Variants in TENM2 observed in about 807,000 individuals in gnomAD.
TENM2 encodes the protein teneurin-2.
Under a neutral mutation model 245.2 loss-of-function variants are expected in TENM2, and 52 were observed. That is an observed-to-expected ratio of 0.21 (90% CI 0.17 to 0.27). The LOEUF is 0.27. Among genes scored for constraint, TENM2 ranks in the 10% least tolerant of loss-of-function variants. The probability of loss-of-function intolerance (pLI) is 1.00; values close to 1 mark genes in which losing one functional copy is unlikely to be tolerated. For synonymous variants in TENM2, 1,363 were observed against 1,438.9 expected, an observed-to-expected ratio of 0.95 and a Z score of 1.19; for missense variants, 3,046 against 3,666.8, an observed-to-expected ratio of 0.83 and a Z score of 4.37.
intron 1 of TENM2, among the ~76,000 whole-genome samples, chr5:167,302,623 G>A (rs140654594): frequency 4.1e-4 from 63 of 151,936 alleles, no homozygotes; most frequent in Non-Finnish European, 7.2e-4. Flanking sequence ...GGATCAGGGT[G>A]CAGAGATAAG....
chr5:167,551,826 C>T (rs1314899323), intron 2 of TENM2, among the ~76,000 whole-genome samples: 4 of 152,130 alleles, frequency 2.6e-5, no homozygotes, highest in Non-Finnish European at 5.9e-5. Context: ...TCCCAGATTG[C>T]TCCTTATTGG....
At chr5:167,216,447 C>T in the TENM2 span, among the ~76,000 whole-genome samples, 1 of 152,160 alleles carries the variant, frequency 6.6e-6, no homozygotes, top group Non-Finnish European at 1.5e-5. Flanking sequence ...TTAGTCTCCT[C>T]TTCTGCAGTG....
rs998345280 is a variant in TENM2, at chr5:167,471,260, A to G, written c.502+95787A>G. 1.1e-4 allele frequency among the ~76,000 whole-genome samples: 17 copies of G among 152,296 alleles called. 1 individual carries two copies. Among genetic ancestry groups the G allele is most frequent in the Admixed American group, 7.8e-4 (12 of 15,298 alleles). On this transcript the variant is annotated intron_variant, in intron 2 of 28. Coordinates refer to ENST00000518659, the Ensembl canonical transcript of TENM2. ...GGAGACTAAGGTCCTTATGAGTTAGATCTACAAGTACAATCATTTTGTTTC... is the reference window on the plus strand; with the variant it reads ...GGAGACTAAGGTCCTTATGAGTTAGGTCTACAAGTACAATCATTTTGTTTC...
chr5:168,172,965 T>A (rs1758984257), intron 13 of TENM2, among the ~76,000 whole-genome samples: 3 of 152,082 alleles, frequency 2.0e-5, no homozygotes, highest in African/African-American at 7.2e-5. Flanking sequence ...CTGCGAGGTG[T>A]TCCCCCAAAC....
intron 2 of TENM2, among the ~76,000 whole-genome samples, chr5:167,675,039 A>T (rs1425921296): frequency 6.6e-6 from 1 of 152,086 alleles, no homozygotes; most frequent in Non-Finnish European, 1.5e-5. Flanking sequence ...TGTCAAACTG[A>T]TGTGCTGTCT....
intron 13 of TENM2, chr5:168,165,150 C>T (rs1758104674): frequency 6.6e-6 from 1 of 152,200 alleles, no homozygotes; most frequent in African/African-American, 2.4e-5. Flanking sequence ...ATGTGGTTTA[C>T]AGAGCTCCCA....
At chr5:167,457,395 C>G (rs186345068) in intron 2 of TENM2, among the ~76,000 whole-genome samples, 1 of 151,374 alleles carries the variant, frequency 6.6e-6, no homozygotes, top group Admixed American at 6.6e-5. Context: ...TGCAATGGCG[C>G]AATCTCAGCT....
intron 2 of TENM2, among the ~76,000 whole-genome samples, chr5:167,478,982 T>TTG (rs1561989770): frequency 4.6e-5 from 1 of 21,842 alleles, no homozygotes; most frequent in Non-Finnish European, 9.6e-5. Context: ...TATGACTACT[T>TTG]TATATATATG....
chr5:167,822,626 T>G (rs1243403401), intron 2 of TENM2, among the ~76,000 whole-genome samples: 1 of 152,242 alleles, frequency 6.6e-6, no homozygotes, highest in Non-Finnish European at 1.5e-5. Context: ...TTCTACAGAA[T>G]TCACATGTCA....
At chr5:168,017,682 A>C (rs1785779289) in intron 5 of TENM2, among the ~76,000 whole-genome samples, 1 of 152,202 alleles carries the variant, frequency 6.6e-6, no homozygotes, top group Non-Finnish European at 1.5e-5. Flanking sequence ...CACTTAGCCT[A>C]GGATTGGCAT....
chr5:167,467,200 G>T (rs776359920), intron 2 of TENM2, among the ~76,000 whole-genome samples: 1 of 152,026 alleles, frequency 6.6e-6, no homozygotes, highest in Non-Finnish European at 1.5e-5. Context: ...TGCTGTTCTC[G>T]CGATAGTGAG....
the TENM2 span, among the ~76,000 whole-genome samples, chr5:167,237,998 A>G: frequency 7.7e-6 from 1 of 129,960 alleles, no homozygotes; most frequent in African/African-American, 3.0e-5. Flanking sequence ...CGACAGAGTG[A>G]GACTCTGTCT....
Position 167,545,324 on chromosome 5 carries a change from T to A in TENM2, c.502+169851T>A, listed in dbSNP as rs148982108. ...TTTGTACACAGTTTTCTCTGTAATT[T>A]CATTCAAGCAATTTGGGCTTTTTGG... On this transcript the variant is annotated intron_variant, in intron 2 of 28. Coordinates refer to ENST00000518659, the Ensembl canonical transcript of TENM2. Among the ~76,000 whole-genome samples, 114 of 152,304 alleles carry A rather than the reference T, an allele frequency of 7.5e-4. No individual in the cohort carries two copies. In the Middle Eastern group the frequency reaches 0.041, roughly 55 times the overall value.
At chr5:168,130,335 T>C (rs1045830926) in intron 12 of TENM2, 2 of 152,246 alleles carry the variant, frequency 1.3e-5, no homozygotes, top group African/African-American at 4.8e-5. Flanking sequence ...ATGACTGTTA[T>C]ATAACCTTTT....
intron 27 of TENM2, among the ~76,000 whole-genome samples, chr5:168,254,123 C>G (rs184381044): frequency 1.4e-4 from 21 of 152,248 alleles, no homozygotes; most frequent in Non-Finnish European, 2.6e-4. Context: ...GCTGCACTGA[C>G]AGCGTGTTCA....
chr5:167,722,777 AAAAAC>A (rs990432903), intron 2 of TENM2, among the ~76,000 whole-genome samples: 9 of 152,186 alleles, frequency 5.9e-5, no homozygotes, highest in East Asian at 1.9e-4. Flanking sequence ...CTCTGTCTCA[AAAAAC>A]AAAACAAAAC....
At chr5:167,606,375 A>T (rs1321090633) in intron 2 of TENM2, among the ~76,000 whole-genome samples, 1 of 151,514 alleles carries the variant, frequency 6.6e-6, no homozygotes, top group African/African-American at 2.4e-5. Flanking sequence ...CTGGGGGAGA[A>T]GGGGACATGG....
intron 1 of TENM2, among the ~76,000 whole-genome samples, chr5:167,331,598 C>T (rs1455284514): frequency 1.3e-5 from 2 of 151,994 alleles, no homozygotes; most frequent in South Asian, 2.1e-4. Flanking sequence ...TTGTTGGGCG[C>T]GAAGAAGGAA....
chr5:167,693,955 T>A (rs1757596378), intron 2 of TENM2, among the ~76,000 whole-genome samples: 1 of 152,212 alleles, frequency 6.6e-6, no homozygotes, highest in Admixed American at 6.5e-5. Context: ...ATCATTCCTT[T>A]TAACTATTTA....
Sources: allele counts gnomAD v4.1 joint callset (sites outside exome capture counted in the v4.1 genomes callset), GRCh38; gene constraint gnomAD v4.1.1; transcripts MANE v1.5; gene names NCBI Gene and HGNC (gene_info 2026-07-23, HGNC 2026-07-21).